The following TTN variants were observed in gnomAD, a reference collection of about 807,000 sequenced individuals.
TTN encodes the protein connectin.
Under a neutral mutation model 3,223.0 loss-of-function variants are expected in TTN, and 1,525 were observed. The ratio of observed to expected loss-of-function variants is 0.47; its 90% CI spans 0.45 to 0.49. The LOEUF is 0.49. TTN is among the 20% of genes least tolerant of loss of function. The pLI is 0.00. For missense variants in TTN, 40,786 were observed against 43,424.0 expected (o/e 0.94, Z 5.40); for synonymous variants, 14,094 against 15,161.0 (o/e 0.93, Z 5.17).
At position 178,731,243 on chromosome 2, in the gene TTN, C is replaced by A. The variant is rs189164043; in HGVS notation, c.17462-40G>T. On this transcript the variant is annotated intron_variant, in intron 59 of 362. Transcript: ENST00000589042. ...GGGATAGATGTGGGTTGTGCATTAC[C>A]CTGCTGAAAGGCTTACATCTGCATT... 5 of 1,610,288 alleles carry A rather than the reference C, an allele frequency of 3.1e-6. No individual in the cohort carries two copies. The South Asian group carries it at 5.5e-5, about 18-fold the overall frequency.
intron 33 of TTN, among the ~76,000 whole-genome samples, chr2:178,772,295 C>A (rs2091635255): frequency 6.6e-6 from 1 of 152,068 alleles, no homozygotes. Context: ...TAAGTATAAA[C>A]CATGAAACTT....
In TTN at chr2:178,574,809, C is replaced by G. The variant is rs377491708; in HGVS notation, c.71323G>C (p.Val23775Leu). ...EMRQTDSTTW[V>L]ELATTVIRTT... ...CGTATAACGGTGGTTGCTAACTCAA[C>G]CCAGGTAGTACTGTCAGTCTGCCGC... is the stretch of plus-strand genomic sequence containing the variant. Residue 23775 changes from valine (V) to leucine (L), a missense_variant, in exon 326 of 363, where the codon GTT becomes CTT. Val to Leu is a conservative substitution (Grantham distance 32, BLOSUM62 1). Transcript: ENST00000589042. 9.9e-6 allele frequency: 16 copies of G among 1,612,242 alleles called. No individual in the cohort carries two copies. The highest frequency in any genetic ancestry group is 1.4e-5 in the Non-Finnish European group (16 of 1,178,954).
In TTN at chr2:178,587,294, C is replaced by A. The variant is rs202240487; in HGVS notation, c.63917G>T (p.Arg21306Leu). Residue 21306 changes from arginine (R) to leucine (L), a missense_variant, in exon 307 of 363, where the codon CGT (arginine) becomes CTT (leucine). Arg to Leu is a moderately radical substitution (Grantham distance 102). Coordinates refer to ENST00000589042, the MANE Select transcript of TTN (RefSeq NM_001267550.2). ...CGACCATGTCTTTCTGTCTGCCTCA[C>A]GTTTCTCCACGATATAATGTGTCAC... ...SQVTHYIVEK[R>L]EADRKTWSTV... The A allele has an allele frequency of 3.1e-6, 5 of 1,612,932 alleles. No homozygotes were observed. In the African/African-American group the frequency reaches 4.0e-5, roughly 13 times the overall value.
Position 178,573,830 on chromosome 2 carries a change from G to A in TTN, c.72302C>T (p.Thr24101Ile), listed in dbSNP as rs192962624. 18 of 1,612,438 alleles carry A rather than the reference G, an allele frequency of 1.1e-5. No homozygotes were observed. In the South Asian group the frequency reaches 1.8e-4, roughly 16 times the overall value. Residue 24101 changes from threonine (T) to isoleucine (I), a missense_variant, in exon 326 of 363, where the codon ACC becomes ATC. Thr to Ile is a moderately conservative substitution (Grantham distance 89). Transcript: ENST00000589042. ...GCCACCAGGATTAGTCGCTGTAAGG[G>A]TATAGGCACCACTATCCCTTCTTGT... ...DSTRRDSGAY[T>I]LTATNPGGFA... is the part of the protein sequence containing the mutation.
Position 178,681,170 on chromosome 2 carries a change from C to T in TTN, c.33249G>A (p.Val11083=), listed in dbSNP as rs773979636. The change falls in exon 138 of 363, where the codon GTG becomes GTA. Residue 11083 remains valine (V), a splice_region_variant and synonymous_variant. Transcript: ENST00000589042. ...CAAAAACTTTCTTTGGTTCTTCAGG[C>T]ACTTTAAAGATATTAATTATTAAAG... The part of the protein sequence containing the change: ...PKKLKPPPPK[V]PEEPKKVFEE... 2 of 1,598,186 alleles carry T rather than the reference C, an allele frequency of 1.3e-6. No homozygotes were observed. Among genetic ancestry groups the T allele is most frequent in the Non-Finnish European group, 1.7e-6 (2 of 1,174,388 alleles).
chr2:178,731,445 T>C lies in TTN; in HGVS notation c.17321A>G (p.Asp5774Gly). 3.7e-6 allele frequency: 6 copies of C among 1,613,776 alleles called. No individual in the cohort carries two copies. Among genetic ancestry groups the C allele is most frequent in the Non-Finnish European group, 5.1e-6 (6 of 1,179,790 alleles). ...GTTCTCAAAGGTCATTCTTATATTA[T>C]CGTCTTCAGTGATTTCATCGCTGTC... ...LKDSDEITED[D>G]NIRMTFENNV... is the part of the protein sequence containing the mutation. Residue 5774 changes from aspartate to glycine, a missense_variant, in exon 59 of 363, where the codon GAT becomes GGT. Transcript: ENST00000589042.
rs747546215 is a variant in TTN at position 178,537,362 on chromosome 2, A to G, written c.99845T>C (p.Ile33282Thr). 2.6e-6 allele frequency: 4 copies of G among 1,567,624 alleles called. No individual in the cohort carries two copies. In the African/African-American group the frequency reaches 5.5e-5, roughly 22 times the overall value. The change falls in exon 355 of 363, where the codon ATC (isoleucine) becomes ACC (threonine). Residue 33282 changes from isoleucine to threonine, a missense_variant. By Grantham distance (89) the Ile-to-Thr change is moderately conservative. Transcript: ENST00000589042. ...LSNVFGTVDA[I>T]LDVEIQDKPD... ...AATACCTTGTATTTCCACATCAAGG[A>G]TGGCATCAACTGTTCCAAAAACATT...
Position 178,756,801 on chromosome 2 carries a change from T to C in TTN, c.10679-4A>G. On this transcript the variant is annotated splice_polypyrimidine_tract_variant and splice_region_variant and intron_variant, in intron 45 of 362. Coordinates refer to ENST00000589042, the MANE Select transcript of TTN (RefSeq NM_001267550.2). ...CTTTGCCTATCTAGGGCTTGCACTG[T>C]ATAATCAAGTGACAAGAAAAAGAAA... 6.2e-7 allele frequency: 1 copy of C among 1,609,070 alleles called. No individual in the cohort carries two copies. Among genetic ancestry groups the C allele is most frequent in the South Asian group, 1.1e-5 (1 of 90,050 alleles).
intron 47 of TTN, chr2:178,747,132 C>G (rs759923770): frequency 1.2e-6 from 2 of 1,605,916 alleles, no homozygotes; most frequent in Non-Finnish European, 1.7e-6. Flanking sequence ...TCCAGAGTCT[C>G]TCCTGGGGGT....
intron 115 of TTN, 94 bp from the exon 116 acceptor site, chr2:178,695,000 A>G (rs1331141619): frequency 8.9e-6 from 8 of 894,710 alleles, no homozygotes. Flanking sequence ...ATGTGTTTAT[A>G]CACACCTATA....
chr2:178,544,654 T>C (rs370291166), intron 344 of TTN, 148 bp from the exon 345 acceptor site: 3 of 626,038 alleles, frequency 4.8e-6, no homozygotes, highest in African/African-American at 3.6e-5. Context: ...CCTGATATTA[T>C]AGGACAGCAC....
Position 178,586,763 on chromosome 2 carries a change from T to C in TTN, c.64138A>G (p.Lys21380Glu). 6.2e-7 allele frequency: 1 copy of C among 1,613,026 alleles called. No individual in the cohort carries two copies. Among genetic ancestry groups the C allele is most frequent in the Non-Finnish European group, 8.5e-7 (1 of 1,179,282 alleles). Reference sequence around the variant, plus strand: ...AACCAGGCTAAGGTGGCACTGTTCTTGGTCATTTCAGTCACTTCTAATTTC... The same window carrying C: ...AACCAGGCTAAGGTGGCACTGTTCTCGGTCATTTCAGTCACTTCTAATTTC... Reference protein sequence around the residue: ...PRKLEVTEMTKNSATLAWLPP... With the variant: ...PRKLEVTEMTENSATLAWLPP... Residue 21380 changes from lysine to glutamate, a missense_variant, in exon 308 of 363, where the codon AAG (lysine) becomes GAG (glutamate). Transcript: ENST00000589042.
At chr2:178,696,597 G>A (rs1005839034) in intron 113 of TTN, among the ~76,000 whole-genome samples, 8 of 151,800 alleles carry the variant, frequency 5.3e-5, no homozygotes, top group East Asian at 3.9e-4. Context: ...TTTAATATTC[G>A]ATAAGTTCAT....
Position 178,528,882 on chromosome 2 carries a change from T to C in TTN, c.106869A>G (p.Arg35623=). The C allele has an allele frequency of 6.2e-7, 1 of 1,614,022 alleles. No homozygotes were observed. Among genetic ancestry groups the C allele is most frequent in the Non-Finnish European group, 8.5e-7 (1 of 1,179,888 alleles). The change falls in exon 360 of 363, where the codon AGA becomes AGG. Residue 35623 remains arginine (R), a synonymous_variant. Transcript: ENST00000589042. The part of the protein sequence containing the change: ...STQMSINEGQ[R]LVLKANIAGA... ...CAGCAATGTTGGCTTTTAAAACCAG[T>C]CTTTGACCTTCGTTTATGCTCATCT...
At position 178,570,020 on chromosome 2, in the gene TTN, T is replaced by G; in HGVS notation, c.76112A>C (p.Glu25371Ala). The G allele has an allele frequency of 6.2e-7, 1 of 1,613,264 alleles. No homozygotes were observed. The highest frequency in any genetic ancestry group is 1.7e-5 in the Admixed American group (1 of 59,972). The change falls in exon 326 of 363, where the codon GAA becomes GCA. Residue 25371 changes from glutamate (E) to alanine (A), a missense_variant. Glu to Ala is a moderately radical substitution (Grantham distance 107). Transcript: ENST00000589042. ...AACTCTGAACTCATAATCGTGATTT[T>G]CTATGAGTCCAGTTACTCTCAGGCG... ...ELRLRVTGLI[E>A]NHDYEFRVSA...
In TTN at chr2:178,608,151, C is replaced by G. The variant is rs72632862; in HGVS notation, c.52705+27G>C. On this transcript the variant is annotated intron_variant, in intron 275 of 362. Coordinates refer to ENST00000589042, the MANE Select transcript of TTN (RefSeq NM_001267550.2). ...AAAATGTACAATAGCTTGTTCTACT[C>G]CACCTTCTTCTTAAGGAACTACTTA... The G allele has an allele frequency of 2.5e-3, 4,074 of 1,600,352 alleles. 110 individuals carry two copies. The African/African-American group carries it at 0.049, about 19-fold the overall frequency.
In TTN at chr2:178,740,016, G is replaced by A; in HGVS notation, c.13217C>T (p.Ala4406Val). 6.2e-7 allele frequency: 1 copy of A among 1,613,864 alleles called. No individual in the cohort carries two copies. The highest frequency in any genetic ancestry group is 8.5e-7 in the Non-Finnish European group (1 of 1,179,834). The change falls in exon 48 of 363, where the codon GCC (alanine) becomes GTC (valine). Residue 4406 changes from alanine (A) to valine (V), a missense_variant. Coordinates refer to ENST00000589042, the MANE Select transcript of TTN (RefSeq NM_001267550.2). ...KIQICRALQA[A>V]VASEQPGLFS... ...AAGACCTGGCTGCTCGCTGGCCACG[G>A]CTGCTTGCAAAGCCCGGCAGATTTG...
chr2:178,532,023 C>G lies in TTN; in HGVS notation c.104592G>C (p.Pro34864=). The G allele has an allele frequency of 6.2e-7, 1 of 1,613,828 alleles. No homozygotes were observed. The highest frequency in any genetic ancestry group is 1.1e-5 in the South Asian group (1 of 91,074). Reference sequence around the variant, plus strand: ...CTGTGTCATCTTCGTATTCCTCAGCCGGTTGTGGACGTGACCGGATCAGCT... The same window carrying G: ...CTGTGTCATCTTCGTATTCCTCAGCGGGTTGTGGACGTGACCGGATCAGCT... ...VSELIRSRPQ[P]AEEYEDDTER... Residue 34864 remains proline, a synonymous_variant, in exon 358 of 363, where the codon CCG becomes CCC. Transcript: ENST00000589042.
Position 178,550,047 on chromosome 2 carries a change from G to A in TTN, c.91791C>T (p.Tyr30597=). Residue 30597 remains tyrosine (Y), a synonymous_variant, in exon 337 of 363, where the codon TAC becomes TAT. Coordinates refer to ENST00000589042, the MANE Select transcript of TTN (RefSeq NM_001267550.2). ...CAGATGCATTTTTGGCTTCCACTGT[G>A]TATACACCACGATGGTCCCGAGTAG... ...RDATRDHRGV[Y]TVEAKNASGS... The A allele has an allele frequency of 6.2e-7, 1 of 1,613,740 alleles. No homozygotes were observed. Among genetic ancestry groups the A allele is most frequent in the Non-Finnish European group, 8.5e-7 (1 of 1,179,746 alleles).
Sources: allele counts gnomAD v4.1 joint callset (sites outside exome capture counted in the v4.1 genomes callset), GRCh38; gene constraint gnomAD v4.1.1; transcripts MANE v1.5; gene names NCBI Gene and HGNC (gene_info 2026-07-23, HGNC 2026-07-21).